DAP3: variants seen among roughly 807,000 people sequenced by gnomAD.
DAP3 encodes the protein small ribosomal subunit protein mS29.
In DAP3, 28 loss-of-function variants were observed where a neutral mutation model predicts 51.9. The observed-to-expected ratio is 0.54, with a 90% CI of 0.40 to 0.74. DAP3 has a LOEUF of 0.74. Among genes scored for constraint, DAP3 ranks in the 30% least tolerant of loss-of-function variants. DAP3 has a pLI of 0.00. For missense variants in DAP3, 458 were observed against 483.5 expected (o/e 0.95, Z 0.49); for synonymous variants, 170 against 170.3 (o/e 1.00, Z 0.01).
chr1:155,704,983 A>G (rs1655764417), intron 1 of DAP3, among the ~76,000 whole-genome samples: 1 of 152,148 alleles, frequency 6.6e-6, no homozygotes. Flanking sequence ...CATCTCAGAA[A>G]TAAACAAACG....
intron 1 of DAP3, among the ~76,000 whole-genome samples, chr1:155,701,355 G>A (rs1309026376): frequency 1.9e-5 from 2 of 104,908 alleles, no homozygotes; most frequent in African/African-American, 9.7e-5. Flanking sequence ...TCTGCCTTGG[G>A]ATCCTGTTGA....
At chr1:155,705,575 C>T in intron 1 of DAP3, among the ~76,000 whole-genome samples, 1 of 148,254 alleles carries the variant, frequency 6.7e-6, no homozygotes, top group South Asian at 2.1e-4. Flanking sequence ...TGCACCCCAT[C>T]CTGGGCAATG....
At position 155,694,878 on chromosome 1, in the gene DAP3, G is replaced by A. The variant is rs1654315497; in HGVS notation, c.-8+5704G>A. ...TGTTAAATGCTCTTCAGCTGCTATA[G>A]TAACCTGATTGCGGAAGATGTTCAA... On this transcript the variant is annotated intron_variant, in intron 1 of 12. Coordinates refer to ENST00000368336, the MANE Select transcript of DAP3 (RefSeq NM_004632.4). 1.3e-5 allele frequency among the ~76,000 whole-genome samples: 2 copies of A among 152,246 alleles called. 1 individual carries two copies. The highest frequency in any genetic ancestry group is 2.9e-5 in the Non-Finnish European group (2 of 68,022).
intron 1 of DAP3, among the ~76,000 whole-genome samples, chr1:155,695,585 T>C (rs1047381502): frequency 1.1e-4 from 17 of 152,128 alleles, no homozygotes; most frequent in African/African-American, 4.1e-4. Context: ...GAAAGGAAAA[T>C]CCCGAGCACA....
chr1:155,689,083 C>T, upstream of DAP3: 1 of 1,466,658 alleles, frequency 6.8e-7, no homozygotes. Flanking sequence ...ATGACCCGAC[C>T]CTTTTTTGCA....
At chr1:155,728,964 C>T (rs1369288198) in intron 7 of DAP3, 78 bp from the exon 8 acceptor site, 5 of 1,447,888 alleles carry the variant, frequency 3.5e-6, no homozygotes, top group African/African-American at 1.4e-5. Context: ...CCTTAGCCTC[C>T]AACCTTTTCA....
At position 155,689,253 on chromosome 1, in the gene DAP3, G is replaced by A. The variant is rs41264953; in HGVS notation, c.-8+79G>A. ...TCCGGACCTCCAGGAGGTAGGGAGT[G>A]AGGCCGGTAGACCGGCGCGCCTCCG... On this transcript the variant is annotated intron_variant, in intron 1 of 12. Coordinates refer to ENST00000368336, the MANE Select transcript of DAP3 (RefSeq NM_004632.4). 3.9e-3 allele frequency: 2,619 copies of A among 674,474 alleles called. 12 individuals carry two copies. Among genetic ancestry groups the A allele is most frequent in the Admixed American group, 5.2e-3 (255 of 48,938 alleles). 41.8% of individuals were successfully genotyped at this position (674,474 alleles called of 1,614,324 possible).
intron 1 of DAP3, among the ~76,000 whole-genome samples, chr1:155,694,457 A>G (rs1164458920): frequency 7.1e-6 from 1 of 141,584 alleles, no homozygotes; most frequent in East Asian, 1.9e-4. Context: ...AATTACCGCA[A>G]TCATAGCTAC....
At chr1:155,703,022 G>A (rs1163374823) in intron 1 of DAP3, among the ~76,000 whole-genome samples, 1 of 152,134 alleles carries the variant, frequency 6.6e-6, no homozygotes, top group Non-Finnish European at 1.5e-5. Context: ...GTAAATGTAT[G>A]CCAATACCAC....
In DAP3 at chr1:155,689,149, T is replaced by A; in HGVS notation, c.-33T>A. ...CAGGCAGCGTGTGTCGGTCGCCTAG[T>A]CTGGAGAACTAGTCCTCGACTCACG... On this transcript the variant is annotated 5_prime_UTR_variant, in exon 1 of 13. Transcript: ENST00000368336. 1 of 817,234 alleles carries A rather than the reference T, an allele frequency of 1.2e-6. No individual in the cohort carries two copies. Among genetic ancestry groups the A allele is most frequent in the South Asian group, 1.5e-5 (1 of 68,894 alleles). 50.6% of individuals were successfully genotyped at this position (817,234 alleles called of 1,614,324 possible). A position where few individuals can be genotyped will look rare whatever the true frequency, so the allele number is the denominator to read the frequency against.
At chr1:155,706,068 G>T (rs570020517) in intron 1 of DAP3, among the ~76,000 whole-genome samples, 3 of 152,094 alleles carry the variant, frequency 2.0e-5, no homozygotes, top group Admixed American at 1.3e-4. Context: ...GAGTACAGTG[G>T]CATGATCATA....
intron 1 of DAP3, among the ~76,000 whole-genome samples, chr1:155,707,238 C>T (rs1656103564): frequency 6.6e-6 from 1 of 151,946 alleles, no homozygotes; most frequent in Admixed American, 6.6e-5. Flanking sequence ...ATGGTGAAAC[C>T]CCGTCATTAC....
In DAP3 at chr1:155,691,056, C is replaced by T. The variant is rs573959136; in HGVS notation, c.-8+1882C>T. Among the ~76,000 whole-genome samples, 22 of 141,956 alleles carry T rather than the reference C, an allele frequency of 1.5e-4. 3 individuals carry two copies. The South Asian group carries it at 2.5e-3, about 16-fold the overall frequency. 93.1% of individuals were successfully genotyped at this position (141,956 alleles called of 152,430 possible). ...CTGAGTAGCTGGGACTACAGGCACC[C>T]GCCACCACGTCCAGCTAATTTTTTG... On this transcript the variant is annotated intron_variant, in intron 1 of 12. Transcript: ENST00000368336.
intron 2 of DAP3, among the ~76,000 whole-genome samples, chr1:155,716,792 A>G (rs1657384396): frequency 6.6e-6 from 1 of 151,740 alleles, no homozygotes; most frequent in Non-Finnish European, 1.5e-5. Flanking sequence ...CTAAAAATAT[A>G]AAAAATCAGC....
intron 3 of DAP3, among the ~76,000 whole-genome samples, chr1:155,720,169 A>G (rs1445888501): frequency 6.6e-6 from 1 of 151,532 alleles, no homozygotes; most frequent in South Asian, 2.1e-4. Context: ...CCAAAAAAGT[A>G]AAAAAATGAG....
At chr1:155,715,541 AG>A (rs1657236449) in intron 2 of DAP3, among the ~76,000 whole-genome samples, 1 of 151,420 alleles carries the variant, frequency 6.6e-6, no homozygotes, top group African/African-American at 2.4e-5. Flanking sequence ...AGAGAGAGAG[AG>A]AGAGAGAAGC....
At chr1:155,731,839 G>A in intron 10 of DAP3, 105 bp from the exon 11 acceptor site, 1 of 1,181,782 alleles carries the variant, frequency 8.5e-7, no homozygotes, top group South Asian at 1.6e-5. Flanking sequence ...CCACACTTTT[G>A]TAACACTGTA....
chr1:155,729,300 A>C lies in DAP3; in HGVS notation c.777A>C (p.Leu259=). 1 of 1,614,168 alleles carries C rather than the reference A, an allele frequency of 6.2e-7. No individual in the cohort carries two copies. Among genetic ancestry groups the C allele is most frequent in the Non-Finnish European group, 8.5e-7 (1 of 1,180,026 alleles). The part of the protein sequence containing the change: ...RQSSLGMFHL[L]VAVDGINALW... Reference sequence around the variant, plus strand: ...GTTCTTTGGGTATGTTTCACCTCCTAGTGGCCGTGGATGGAATCAATGCTC... The same window carrying C: ...GTTCTTTGGGTATGTTTCACCTCCTCGTGGCCGTGGATGGAATCAATGCTC... The change falls in exon 9 of 13, where the codon CTA becomes CTC. Residue 259 remains leucine (L), a synonymous_variant. Transcript: ENST00000368336.
At chr1:155,699,090 G>A (rs1277853426) in intron 1 of DAP3, among the ~76,000 whole-genome samples, 4 of 152,200 alleles carry the variant, frequency 2.6e-5, no homozygotes, top group Non-Finnish European at 5.9e-5. Context: ...GGGGCCAGTT[G>A]CAAAATGGAG....
Sources: gnomAD v4.1 joint callset for allele counts (sites outside exome capture counted in the v4.1 genomes callset) on GRCh38, gnomAD v4.1.1 for gene constraint, MANE v1.5 for transcripts, NCBI Gene and HGNC (gene_info 2026-07-23, HGNC 2026-07-21) for gene names.